GAREM1: variants seen among roughly 807,000 people sequenced by gnomAD.
GAREM1 encodes GRB2-associated and regulator of MAPK protein 1.
A neutral mutation model predicts 71.3 loss-of-function variants in GAREM1; 26 were observed. The ratio of observed to expected loss-of-function variants is 0.36; its 90% CI spans 0.27 to 0.51. The LOEUF (loss-of-function observed/expected upper bound fraction) is 0.51. Among genes scored for constraint, GAREM1 ranks in the 20% least tolerant of loss-of-function variants. The pLI is 0.95. For synonymous variants in GAREM1, 440 were observed against 433.2 expected (o/e 1.02, Z -0.20); for missense variants, 1,026 against 1,103.1 (o/e 0.93, Z 0.99).
chr18:32,428,866 T>C (rs1349227698), intron 1 of GAREM1, among the ~76,000 whole-genome samples: 3 of 152,182 alleles, frequency 2.0e-5, no homozygotes, highest in East Asian at 3.9e-4. Flanking sequence ...TTTTAGTCCT[T>C]TGCTGCATTC....
intron 1 of GAREM1, among the ~76,000 whole-genome samples, chr18:32,432,317 A>G (rs958715015): frequency 2.0e-5 from 3 of 152,168 alleles, no homozygotes; most frequent in Non-Finnish European, 4.4e-5. Context: ...ATAAAAGTAG[A>G]AAGGGCTCAA....
chr18:32,350,780 G>C (rs957133543), intron 2 of GAREM1, among the ~76,000 whole-genome samples: 28 of 152,138 alleles, frequency 1.8e-4, no homozygotes, highest in African/African-American at 6.5e-4. Context: ...TGGCCTTCTG[G>C]TTTCAAAGTA....
chr18:32,297,709 T>A (rs960620051), intron 3 of GAREM1, among the ~76,000 whole-genome samples: 2 of 152,202 alleles, frequency 1.3e-5, no homozygotes, highest in African/African-American at 4.8e-5. Context: ...TGTGAACATA[T>A]GGAAATAATT....
intron 3 of GAREM1, among the ~76,000 whole-genome samples, chr18:32,289,469 C>T (rs190883918): frequency 1.2e-3 from 184 of 151,928 alleles, no homozygotes; most frequent in African/African-American, 4.3e-3. Context: ...ATTTAGATCT[C>T]TTACTGATTA....
chr18:32,440,999 C>T (rs1252099036), intron 1 of GAREM1, among the ~76,000 whole-genome samples: 1 of 152,084 alleles, frequency 6.6e-6, no homozygotes, highest in East Asian at 1.9e-4. Flanking sequence ...TTTATGACAT[C>T]TTTTTCTTTC....
chr18:32,364,029 T>TA (rs1491185711), intron 2 of GAREM1, among the ~76,000 whole-genome samples: 225 of 40,798 alleles, frequency 5.5e-3, no homozygotes, highest in Non-Finnish European at 7.8e-3. Context: ...TATATATATG[T>TA]TTTTTTTTTT....
At chr18:32,278,625 C>T (rs948751674) in intron 4 of GAREM1, among the ~76,000 whole-genome samples, 1 of 152,174 alleles carries the variant, frequency 6.6e-6, no homozygotes, top group Non-Finnish European at 1.5e-5. Flanking sequence ...GCCCTCTGCC[C>T]TGTATTTTAC....
intron 2 of GAREM1, among the ~76,000 whole-genome samples, chr18:32,314,594 T>TTG (rs1263631796): frequency 1.1e-5 from 1 of 90,810 alleles, no homozygotes; most frequent in Admixed American, 9.2e-5. Context: ...TTTGTTGTTG[T>TTG]TTTTTTTTTT....
intron 1 of GAREM1, among the ~76,000 whole-genome samples, chr18:32,451,933 C>A (rs908041765): frequency 6.6e-6 from 1 of 152,164 alleles, no homozygotes; most frequent in Non-Finnish European, 1.5e-5. Flanking sequence ...TTGCTTGATA[C>A]TAGCATTTAG....
chr18:32,372,852 A>G (rs973463724), intron 2 of GAREM1, among the ~76,000 whole-genome samples: 3 of 152,176 alleles, frequency 2.0e-5, no homozygotes, highest in African/African-American at 7.2e-5. Flanking sequence ...AGAACAGGAC[A>G]TGGGGTGGTT....
At chr18:32,356,849 T>C (rs895355986) in intron 2 of GAREM1, among the ~76,000 whole-genome samples, 7 of 152,190 alleles carry the variant, frequency 4.6e-5, no homozygotes, top group Non-Finnish European at 1.0e-4. Flanking sequence ...ATGATGATAT[T>C]TGAAGATCCA....
At chr18:32,428,355 G>A (rs1326410549) in intron 1 of GAREM1, among the ~76,000 whole-genome samples, 1 of 152,146 alleles carries the variant, frequency 6.6e-6, no homozygotes, top group East Asian at 1.9e-4. Context: ...ACATTGAATT[G>A]TGATCCCCAG....
rs1054452109 is a variant in GAREM1 at position 32,267,266 on chromosome 18, G to A, written c.*605C>T. The A allele has an allele frequency of 6.6e-6, 1 of 152,160 alleles. No individual in the cohort carries two copies. Among genetic ancestry groups the A allele is most frequent in the Non-Finnish European group, 1.5e-5 (1 of 68,038 alleles). The allele number at this position is 152,160 out of a possible 1,614,324, so 9.4% of individuals were successfully genotyped here. On this transcript the variant is annotated 3_prime_UTR_variant, in exon 6 of 6. Transcript: ENST00000269209. ...AGATAAATTATTGTGGTCATGATTT[G>A]TGTGATTTCTAAGGACAACATATAT...
chr18:32,452,068 AAGG>A (rs140096531), intron 1 of GAREM1, among the ~76,000 whole-genome samples: 1,695 of 152,238 alleles, frequency 0.011, 26 homozygotes, highest in African/African-American at 0.039. Context: ...CTTTCTTGAG[AAGG>A]AGAAGAGATG....
At chr18:32,332,452 G>C (rs187621918) in intron 2 of GAREM1, among the ~76,000 whole-genome samples, 3 of 152,216 alleles carry the variant, frequency 2.0e-5, no homozygotes, top group Admixed American at 6.5e-5. Flanking sequence ...AATTGACACA[G>C]CAGTTAAGTG....
intron 2 of GAREM1, among the ~76,000 whole-genome samples, chr18:32,358,925 G>A (rs1486039955): frequency 6.6e-6 from 1 of 152,076 alleles, no homozygotes; most frequent in East Asian, 1.9e-4. Context: ...ATTTCAAAAC[G>A]GCGACAGCAG....
chr18:32,336,092 T>C (rs1398576161), intron 2 of GAREM1, among the ~76,000 whole-genome samples: 1 of 152,132 alleles, frequency 6.6e-6, no homozygotes, highest in Non-Finnish European at 1.5e-5. Flanking sequence ...TCGGTTTCGT[T>C]ATCTGTAAAC....
chr18:32,363,920 A>ACACACACACACACACACACACACAC (rs1408632288), intron 2 of GAREM1, among the ~76,000 whole-genome samples: 3 of 146,660 alleles, frequency 2.0e-5, no homozygotes, highest in African/African-American at 7.5e-5. Context: ...ACACACACAT[A>ACACACACACACACACACACACACAC]AAAAAATATA....
rs2048609148 is a variant in GAREM1 at position 32,430,038 on chromosome 18, GTATTA to G, written c.122-37008_122-37004del. ...ATTTGGTTTCAAACACCATGTCACT[GTATTA>G]TATTTTCATTTGAACACTGAAAGAG... On this transcript the variant is annotated intron_variant, in intron 1 of 5. Transcript: ENST00000269209. 2.6e-5 allele frequency among the ~76,000 whole-genome samples: 4 copies of G among 152,266 alleles called. No individual in the cohort carries two copies. The South Asian group carries it at 6.2e-4, about 24-fold the overall frequency.
Sources: allele counts gnomAD v4.1 joint callset (sites outside exome capture counted in the v4.1 genomes callset), GRCh38; gene constraint gnomAD v4.1.1; transcripts MANE v1.5; gene names NCBI Gene and HGNC (gene_info 2026-07-23, HGNC 2026-07-21).